The following UNC13B variants were observed in gnomAD, a reference collection of about 807,000 sequenced individuals.
The protein encoded by UNC13B is protein unc-13 homolog B.
In UNC13B, 144 loss-of-function variants were observed where a neutral mutation model predicts 211.0. The ratio of observed to expected loss-of-function variants is 0.68; its 90% CI spans 0.60 to 0.78. UNC13B has a LOEUF of 0.78. Ranked by LOEUF, UNC13B falls within the 30% of genes least tolerant of loss-of-function variation. UNC13B has a pLI of 0.00. For synonymous variants in UNC13B, 709 were observed against 725.8 expected, an observed-to-expected ratio of 0.98 and a Z score of 0.37; for missense variants, 1,777 against 2,002.0, an observed-to-expected ratio of 0.89 and a Z score of 2.14.
chr9:35,186,427 G>A (rs964831464), intron 1 of UNC13B, among the ~76,000 whole-genome samples: 1 of 152,134 alleles, frequency 6.6e-6, no homozygotes, highest in African/African-American at 2.4e-5. Flanking sequence ...CCTCCCACCC[G>A]CTGTCCCACT....
intron 1 of UNC13B, among the ~76,000 whole-genome samples, chr9:35,221,174 T>C (rs1176529210): frequency 6.6e-6 from 1 of 152,162 alleles, no homozygotes. Context: ...TCTTAAGTGA[T>C]CCTCCCACCT....
intron 11 of UNC13B, among the ~76,000 whole-genome samples, chr9:35,341,478 A>AGACTCCCTT (rs945955508): frequency 3.3e-5 from 5 of 152,228 alleles, no homozygotes; most frequent in African/African-American, 9.6e-5. Flanking sequence ...GTAGAAGGGA[A>AGACTCCCTT]GACTCCCTTT....
intron 11 of UNC13B, among the ~76,000 whole-genome samples, chr9:35,341,148 T>C (rs189275982): frequency 2.0e-5 from 3 of 152,320 alleles, no homozygotes; most frequent in East Asian, 3.9e-4. Context: ...CACTTTAGGT[T>C]ACTTCGTTCC....
intron 29 of UNC13B, 112 bp from the exon 30 acceptor site, chr9:35,397,523 C>T (rs1835965259): frequency 7.5e-7 from 1 of 1,338,096 alleles, no homozygotes; most frequent in Non-Finnish European, 1.0e-6. Context: ...TGGGATTCCC[C>T]CTTTACCTCC....
chr9:35,336,529 C>G (rs1831669035), intron 11 of UNC13B, among the ~76,000 whole-genome samples: 1 of 152,084 alleles, frequency 6.6e-6, no homozygotes, highest in South Asian at 2.1e-4. Context: ...AAGAGTCTCG[C>G]TCTGTCACCC....
intron 6 of UNC13B, among the ~76,000 whole-genome samples, chr9:35,245,634 A>AATGATGGTTTCCAGCTTC (rs1275895372): frequency 6.6e-6 from 1 of 151,654 alleles, no homozygotes; most frequent in Non-Finnish European, 1.5e-5. Context: ...GTTTGCTGAG[A>AATGATGGTTTCCAGCTTC]ATGATGGTTT....
chr9:35,387,544 T>C (rs1835266887), intron 24 of UNC13B, among the ~76,000 whole-genome samples: 1 of 152,240 alleles, frequency 6.6e-6, no homozygotes, highest in African/African-American at 2.4e-5. Context: ...GTCATCTGTC[T>C]ATGAAGTCTC....
intron 11 of UNC13B, among the ~76,000 whole-genome samples, chr9:35,319,718 G>A (rs1830646482): frequency 1.3e-5 from 2 of 151,698 alleles, no homozygotes; most frequent in Admixed American, 6.6e-5. Context: ...TGGAGTGCAC[G>A]GGCATGATCA....
Position 35,384,981 on chromosome 9 carries a change from T to G in UNC13B, c.10875+667T>G, listed in dbSNP as rs1033154578. 1.1e-5 allele frequency: 10 copies of G among 942,184 alleles called. No individual in the cohort carries two copies. The African/African-American group carries it at 1.2e-4, about 12-fold the overall frequency. The allele number at this position is 942,184 out of a possible 1,614,324, so 58.4% of individuals were successfully genotyped here. On this transcript the variant is annotated intron_variant, in intron 22 of 39. Transcript: ENST00000635942. ...AAACAACCTTAAAGTCAAAAAGAAA[T>G]GAGGTTTTAATTGTCTGCACTCAAG...
At chr9:35,244,894 C>A (rs1825999480) in intron 6 of UNC13B, among the ~76,000 whole-genome samples, 1 of 152,178 alleles carries the variant, frequency 6.6e-6, no homozygotes, top group South Asian at 2.1e-4. Flanking sequence ...GCAACATCTA[C>A]TCTTTTCAGG....
chr9:35,234,651 T>A (rs558915712), intron 3 of UNC13B, among the ~76,000 whole-genome samples: 89 of 152,272 alleles, frequency 5.8e-4, no homozygotes, highest in Middle Eastern at 6.8e-3. Context: ...AAAAACTGAG[T>A]CCTATATTAT....
rs1829779001 is a variant in UNC13B, at chr9:35,303,394, A to G, written c.3990A>G (p.Ser1330=). 2.5e-6 allele frequency: 1 copy of G among 398,600 alleles called. No individual in the cohort carries two copies. Among genetic ancestry groups the G allele is most frequent in the South Asian group, 1.3e-4 (1 of 7,858 alleles). 24.7% of individuals were successfully genotyped at this position (398,600 alleles called of 1,614,324 possible). A position where few individuals can be genotyped will look rare whatever the true frequency, so the allele number is the denominator to read the frequency against. The change falls in exon 9 of 40, where the codon TCA becomes TCG. Residue 1330 remains serine, a synonymous_variant. Coordinates refer to ENST00000635942, the MANE Select transcript of UNC13B (RefSeq NM_001371189.2). Reference sequence around the variant, plus strand: ...ATGAAAATTCAAACAAGTTAAATTCACCTGTACTAAATACCAACATTCTCA... The same window carrying G: ...ATGAAAATTCAAACAAGTTAAATTCGCCTGTACTAAATACCAACATTCTCA... The part of the protein sequence containing the change: ...KLHENSNKLN[S]PVLNTNILNK...
intron 7 of UNC13B, among the ~76,000 whole-genome samples, chr9:35,289,013 T>G (rs1437768889): frequency 6.6e-6 from 1 of 152,170 alleles, no homozygotes; most frequent in African/African-American, 2.4e-5. Flanking sequence ...GGTTTTTTTT[T>G]TTTGCCTCCC....
At chr9:35,217,615 T>G (rs990904241) in intron 1 of UNC13B, among the ~76,000 whole-genome samples, 4 of 152,088 alleles carry the variant, frequency 2.6e-5, no homozygotes, top group African/African-American at 4.8e-5. Context: ...GGTCTCGATC[T>G]CCTGACCTCG....
chr9:35,163,786 A>G (rs1453947236), intron 1 of UNC13B, among the ~76,000 whole-genome samples: 1 of 152,242 alleles, frequency 6.6e-6, no homozygotes, highest in African/African-American at 2.4e-5. Flanking sequence ...TTGTCTAGAA[A>G]TTCTGCTATT....
rs1833756513 is a variant in UNC13B at position 35,366,150 on chromosome 9, G to T, written c.9415-797G>T. On this transcript the variant is annotated intron_variant, in intron 11 of 39. Transcript: ENST00000635942. ...GGGGCAGGAAGCCCCAGACCTGTTA[G>T]CCTGAAAAAAGCATGTGCTATTGGA... Among the ~76,000 whole-genome samples, 4 of 152,204 alleles carry T rather than the reference G, an allele frequency of 2.6e-5. No individual in the cohort carries two copies. In the South Asian group the frequency reaches 8.3e-4, roughly 31 times the overall value.
At chr9:35,319,115 T>C (rs1036498617) in intron 11 of UNC13B, among the ~76,000 whole-genome samples, 6 of 152,162 alleles carry the variant, frequency 3.9e-5, no homozygotes, top group African/African-American at 1.2e-4. Context: ...ACTTAACTTT[T>C]TAAAAATAAT....
intron 20 of UNC13B, among the ~76,000 whole-genome samples, 173 bp downstream of exon 20, chr9:35,381,892 G>T (rs1255150516): frequency 6.6e-6 from 1 of 152,164 alleles, no homozygotes; most frequent in East Asian, 1.9e-4. Flanking sequence ...GGTATATGTA[G>T]AAAAAGAATG....
chr9:35,193,773 GC>G (rs1257405736), intron 1 of UNC13B, among the ~76,000 whole-genome samples: 2 of 151,996 alleles, frequency 1.3e-5, no homozygotes, highest in African/African-American at 4.8e-5. Flanking sequence ...AGTTGTTGAA[GC>G]CAGAATTTTC....
Sources: allele counts gnomAD v4.1 joint callset (sites outside exome capture counted in the v4.1 genomes callset), GRCh38; gene constraint gnomAD v4.1.1; transcripts MANE v1.5; gene names NCBI Gene and HGNC (gene_info 2026-07-23, HGNC 2026-07-21).